The following ZNF277 variants were observed in gnomAD, a reference collection of about 807,000 sequenced individuals.
The protein encoded by ZNF277 is nuclear receptor-interacting factor 4.
In ZNF277, 55 loss-of-function variants were observed where a neutral mutation model predicts 60.7. That is an observed-to-expected ratio of 0.91 (90% CI 0.73 to 1.13). The LOEUF (loss-of-function observed/expected upper bound fraction) is 1.13, where lower values mean the gene tolerates loss of function less well. ZNF277 is among the 50% of genes most tolerant of loss of function. The pLI, the probability that ZNF277 is intolerant of heterozygous loss-of-function variation, is 0.00. For synonymous variants in ZNF277, 178 were observed against 179.3 expected (o/e 0.99, Z 0.06); for missense variants, 510 against 523.0 (o/e 0.98, Z 0.24).
chr7:112,308,348 C>G (rs1792646850), intron 4 of ZNF277, among the ~76,000 whole-genome samples: 1 of 151,744 alleles, frequency 6.6e-6, no homozygotes, highest in African/African-American at 2.4e-5. Context: ...AACCCCTTCT[C>G]TACTAAAAAA....
chr7:112,250,293 AC>A (rs1362293244), intron 1 of ZNF277, among the ~76,000 whole-genome samples: 3 of 152,216 alleles, frequency 2.0e-5, no homozygotes, highest in South Asian at 2.1e-4. Flanking sequence ...TGATCTCAAA[AC>A]CCTGTCTCCT....
intron 7 of ZNF277, among the ~76,000 whole-genome samples, chr7:112,333,062 A>G (rs1793257762): frequency 6.6e-6 from 1 of 152,188 alleles, no homozygotes; most frequent in Non-Finnish European, 1.5e-5. Flanking sequence ...TCATTAAAGA[A>G]TAATATTTAA....
chr7:112,272,343 T>C (rs989807165), intron 1 of ZNF277, among the ~76,000 whole-genome samples: 2 of 152,148 alleles, frequency 1.3e-5, no homozygotes, highest in African/African-American at 4.8e-5. Flanking sequence ...ACACTTACGT[T>C]GCTTCCAAAT....
At chr7:112,233,877 G>A (rs541649700) in intron 1 of ZNF277, among the ~76,000 whole-genome samples, 3 of 151,626 alleles carry the variant, frequency 2.0e-5, no homozygotes, top group African/African-American at 7.2e-5. Context: ...TTGGTAATAG[G>A]TCTAATATGA....
At chr7:112,233,396 A>G (rs1464308724) in intron 1 of ZNF277, among the ~76,000 whole-genome samples, 2 of 152,172 alleles carry the variant, frequency 1.3e-5, no homozygotes, top group Non-Finnish European at 2.9e-5. Context: ...AGTCCTACCT[A>G]CACTGTTAGC....
chr7:112,332,626 A>G (rs920013269), intron 7 of ZNF277, among the ~76,000 whole-genome samples: 4 of 152,218 alleles, frequency 2.6e-5, no homozygotes, highest in Non-Finnish European at 5.9e-5. Flanking sequence ...CTGCTCCACA[A>G]TCTTCATCTT....
chr7:112,207,910 G>T (rs1251133153), intron 1 of ZNF277, among the ~76,000 whole-genome samples: 2 of 151,978 alleles, frequency 1.3e-5, no homozygotes, highest in Non-Finnish European at 2.9e-5. Flanking sequence ...ACAAATCTTT[G>T]GTAGTCTCCT....
intron 5 of ZNF277, among the ~76,000 whole-genome samples, chr7:112,318,598 G>A (rs1326763151): frequency 2.0e-5 from 3 of 151,924 alleles, no homozygotes; most frequent in Non-Finnish European, 2.9e-5. Context: ...CTAAATCATT[G>A]GTAACTTTTC....
At chr7:112,211,311 T>TA (rs1821742352) in intron 1 of ZNF277, among the ~76,000 whole-genome samples, 1 of 152,248 alleles carries the variant, frequency 6.6e-6, no homozygotes, top group Non-Finnish European at 1.5e-5. Flanking sequence ...TTTGATCAGT[T>TA]AGCAAGCCTT....
chr7:112,323,980 A>G (rs1248402908), intron 5 of ZNF277, among the ~76,000 whole-genome samples: 3 of 152,220 alleles, frequency 2.0e-5, no homozygotes, highest in African/African-American at 7.2e-5. Flanking sequence ...GGAAAAGTAC[A>G]TGAAATAATA....
At chr7:112,298,155 T>C (rs1298158615) in intron 4 of ZNF277, among the ~76,000 whole-genome samples, 1 of 152,224 alleles carries the variant, frequency 6.6e-6, no homozygotes, top group East Asian at 1.9e-4. Flanking sequence ...GTGTACGGTC[T>C]ACTTAGAGAA....
At chr7:112,331,924 G>T (rs1460169302) in intron 7 of ZNF277, among the ~76,000 whole-genome samples, 1 of 152,176 alleles carries the variant, frequency 6.6e-6, no homozygotes, top group African/African-American at 2.4e-5. Flanking sequence ...ATAGCTGGAG[G>T]TTTTCACCTT....
chr7:112,299,047 A>G (rs746739312), intron 4 of ZNF277, among the ~76,000 whole-genome samples: 2 of 152,138 alleles, frequency 1.3e-5, no homozygotes, highest in Non-Finnish European at 2.9e-5. Flanking sequence ...GAGGCAGTTT[A>G]CAATAGCCCG....
At chr7:112,293,491 GA>G (rs1792255136) in intron 2 of ZNF277, among the ~76,000 whole-genome samples, 1 of 151,042 alleles carries the variant, frequency 6.6e-6, no homozygotes, top group South Asian at 2.1e-4. Flanking sequence ...AGGTGGGGAG[GA>G]TGTCTTCAGC....
At chr7:112,313,273 T>C (rs905636688) in intron 4 of ZNF277, among the ~76,000 whole-genome samples, 2 of 146,816 alleles carry the variant, frequency 1.4e-5, no homozygotes, top group Non-Finnish European at 3.0e-5. Flanking sequence ...TTAAAAAGTA[T>C]GTTTTAAAAT....
rs763945662 is a variant in ZNF277, at chr7:112,318,226, T to G, written c.510T>G (p.Asn170Lys). 1 of 1,613,538 alleles carries G rather than the reference T, an allele frequency of 6.2e-7. No individual in the cohort carries two copies. The highest frequency in any genetic ancestry group is 1.1e-5 in the South Asian group (1 of 91,046). The change falls in exon 5 of 12, where the codon AAT (asparagine) becomes AAG (lysine). Residue 170 changes from asparagine to lysine, a missense_variant. Asn to Lys is a moderately conservative substitution (Grantham distance 94). Coordinates refer to ENST00000361822, the MANE Select transcript of ZNF277 (RefSeq NM_021994.3). ...AGCAGCAAGAACGAAATGATACCAATTTTCATGGCGTTTGTATGTTTTGCA... is the reference window on the plus strand; with the variant it reads ...AGCAGCAAGAACGAAATGATACCAAGTTTCATGGCGTTTGTATGTTTTGCA... Reference protein sequence around the residue: ...EQQQQERNDTNFHGVCMFCNE... With the variant: ...EQQQQERNDTKFHGVCMFCNE...
intron 1 of ZNF277, among the ~76,000 whole-genome samples, chr7:112,244,524 C>T (rs180832089): frequency 2.0e-5 from 3 of 152,104 alleles, no homozygotes; most frequent in Non-Finnish European, 4.4e-5. Flanking sequence ...TGACATTCTG[C>T]GTATCAGTGA....
At chr7:112,331,963 C>A (rs921332575) in intron 7 of ZNF277, among the ~76,000 whole-genome samples, 2 of 152,198 alleles carry the variant, frequency 1.3e-5, no homozygotes, top group African/African-American at 2.4e-5. Flanking sequence ...GATTTGCTCA[C>A]TCTTATTCTG....
At chr7:112,250,439 T>G (rs1033377003) in intron 1 of ZNF277, among the ~76,000 whole-genome samples, 1 of 152,212 alleles carries the variant, frequency 6.6e-6, no homozygotes, top group Non-Finnish European at 1.5e-5. Flanking sequence ...AAGTACTTGA[T>G]GTCTGTGACC....
Sources: allele counts gnomAD v4.1 joint callset (sites outside exome capture counted in the v4.1 genomes callset), GRCh38; gene constraint gnomAD v4.1.1; transcripts MANE v1.5; gene names NCBI Gene and HGNC (gene_info 2026-07-23, HGNC 2026-07-21).